The following CYP2R1 variants were observed in gnomAD, a reference collection of about 807,000 sequenced individuals.
CYP2R1 encodes vitamin D 25-hydroxylase.
CYP2R1 carries 40 observed loss-of-function variants against 45.7 expected under a neutral mutation model. The ratio of observed to expected loss-of-function variants is 0.87; its 90% confidence interval spans 0.68 to 1.14. The LOEUF (loss-of-function observed/expected upper bound fraction) is 1.14, where lower values mean the gene tolerates loss of function less well. Among genes scored for constraint, CYP2R1 ranks in the 50% most tolerant of loss-of-function variants. CYP2R1 has a pLI of 0.00. For synonymous variants in CYP2R1, 234 were observed against 219.3 expected, an observed-to-expected ratio of 1.07 and a Z score of -0.59; for missense variants, 605 against 602.6, an observed-to-expected ratio of 1.00 and a Z score of -0.04.
Position 14,892,188 on chromosome 11 carries a change from T to A in CYP2R1, c.18A>T (p.Arg6Ser). 1 of 1,610,198 alleles carries A rather than the reference T, an allele frequency of 6.2e-7. No individual in the cohort carries two copies. Among genetic ancestry groups the A allele is most frequent in the Non-Finnish European group, 8.5e-7 (1 of 1,179,734 alleles). ...CGAGCGCCGCCGCGCCCTCTTCAGC[T>A]CTCCAAAGCTTCCACATCGGCCCGA... is the stretch of plus-strand genomic sequence containing the variant. MWKLW[R>S]AEEGAAALGG... Residue 6 changes from arginine to serine, a missense_variant, in exon 1 of 5, where the codon AGA becomes AGT. Transcript: ENST00000334636.
In CYP2R1 at chr11:14,885,860, C is replaced by G; in HGVS notation, c.283G>C (p.Val95Leu). ...STVVLNGYDV[V>L]KECLVHQSEI... ...CTTTGATGAACAAGGCATTCCTTTACTACATCATAGCCATTTAGAACCACA... is the reference window on the plus strand; with the variant it reads ...CTTTGATGAACAAGGCATTCCTTTAGTACATCATAGCCATTTAGAACCACA... The change falls in exon 2 of 5, where the codon GTA becomes CTA. Residue 95 changes from valine (V) to leucine (L), a missense_variant. Coordinates refer to ENST00000334636, the MANE Select transcript of CYP2R1 (RefSeq NM_024514.5). 6.2e-7 allele frequency: 1 copy of G among 1,613,434 alleles called. No homozygotes were observed. The highest frequency in any genetic ancestry group is 8.5e-7 in the Non-Finnish European group (1 of 1,179,578).
intron 2 of CYP2R1, among the ~76,000 whole-genome samples, chr11:14,884,379 T>C (rs1848522111): frequency 6.6e-6 from 1 of 151,684 alleles, no homozygotes; most frequent in Non-Finnish European, 1.5e-5. Flanking sequence ...ATGTCCTTTG[T>C]TAGGGACATG....
intron 1 of CYP2R1, chr11:14,887,856 A>G (rs1275705084): frequency 6.5e-6 from 1 of 153,214 alleles, no homozygotes; most frequent in Admixed American, 6.5e-5. Flanking sequence ...GAATCAGACA[A>G]TTTATTATAA....
In CYP2R1 at chr11:14,892,093, C is replaced by T; in HGVS notation, c.113G>A (p.Gly38Asp). ...CAGCCCCGGCGGCCCCGGGGGGAAG[C>T]CCATCGGCCGCCTCTGCTTCAGCAG... is the stretch of plus-strand genomic sequence containing the variant. The part of the protein sequence containing the change: ...RQLLKQRRPM[G>D]FPPGPPGLPF... Residue 38 changes from glycine (G) to aspartate (D), a missense_variant, in exon 1 of 5, where the codon GGC becomes GAC. Coordinates refer to ENST00000334636, the MANE Select transcript of CYP2R1 (RefSeq NM_024514.5). 1 of 1,611,720 alleles carries T rather than the reference C, an allele frequency of 6.2e-7. No homozygotes were observed.
At position 14,879,348 on chromosome 11, in the gene CYP2R1, G is replaced by A; in HGVS notation, c.1096C>T (p.His366Tyr). Residue 366 changes from histidine (H) to tyrosine (Y), a missense_variant, in exon 4 of 5, where the codon CAT becomes TAT. Physicochemically the swap from His to Tyr is moderately conservative, Grantham distance 83. Coordinates refer to ENST00000334636, the MANE Select transcript of CYP2R1 (RefSeq NM_024514.5). The part of the protein sequence containing the change: ...CKMPYTEAVL[H>Y]EVLRFCNIVP... ...ATATTACAGAATCTTAAAACTTCAT[G>A]CAAAACTGCCTCAGTATAAGGCATT... 1.2e-6 allele frequency: 2 copies of A among 1,612,338 alleles called. No homozygotes were observed. The highest frequency in any genetic ancestry group is 1.7e-6 in the Non-Finnish European group (2 of 1,179,446).
At chr11:14,878,491 T>A (rs1478212466) in intron 4 of CYP2R1, among the ~76,000 whole-genome samples, 194 bp from the exon 5 acceptor site, 13 of 152,096 alleles carry the variant, frequency 8.5e-5, no homozygotes, top group African/African-American at 3.1e-4. Context: ...TTCATTTACC[T>A]CCTTTTGTTA....
chr11:14,886,478 T>C, intron 1 of CYP2R1: 1 of 154,922 alleles, frequency 6.5e-6, no homozygotes, highest in Non-Finnish European at 1.4e-5. Flanking sequence ...TGAAGAGGGC[T>C]CTAAGGGAAC....
intron 2 of CYP2R1, among the ~76,000 whole-genome samples, chr11:14,883,263 A>C (rs1434429690): frequency 6.6e-6 from 1 of 151,784 alleles, no homozygotes; most frequent in Non-Finnish European, 1.5e-5. Flanking sequence ...TGGAGGCATC[A>C]CGCTACCTGA....
In CYP2R1 at chr11:14,879,303, G is replaced by A; in HGVS notation, c.1141C>T (p.His381Tyr). The change falls in exon 4 of 5, where the codon CAT (histidine) becomes TAT (tyrosine). Residue 381 changes from histidine (H) to tyrosine (Y), a missense_variant. By Grantham distance (83) the His-to-Tyr change is moderately conservative. Coordinates refer to ENST00000334636, the MANE Select transcript of CYP2R1 (RefSeq NM_024514.5). ...FCNIVPLGIF[H>Y]ATSEDAVVRG... is the part of the protein sequence containing the mutation. ...ACAACTGCATCTTCAGAGGTTGCAT[G>A]GAAAATCCCTAATGGAACTATATTA... The A allele has an allele frequency of 6.2e-7, 1 of 1,613,200 alleles. No individual in the cohort carries two copies. The highest frequency in any genetic ancestry group is 1.1e-5 in the South Asian group (1 of 91,056).
chr11:14,879,519 A>G, intron 3 of CYP2R1, 76 bp from the exon 4 acceptor site: 4 of 1,232,240 alleles, frequency 3.2e-6, no homozygotes, highest in East Asian at 2.5e-5. Context: ...CTGGAATAAA[A>G]TAAAGGATAA....
intron 2 of CYP2R1, among the ~76,000 whole-genome samples, chr11:14,883,221 G>T (rs1217594749): frequency 1.3e-5 from 2 of 151,256 alleles, no homozygotes; most frequent in Non-Finnish European, 3.0e-5. Flanking sequence ...AGCCTGCATC[G>T]CCAAGTCAAT....
rs547749304 is a variant in CYP2R1 at position 14,881,137 on chromosome 11, C to A, written c.368-369G>T. Among the ~76,000 whole-genome samples the A allele has an allele frequency of 2.6e-5, 4 of 152,102 alleles. No homozygotes were observed. The East Asian group carries it at 5.8e-4, about 22-fold the overall frequency. On this transcript the variant is annotated intron_variant, in intron 2 of 4. Transcript: ENST00000334636. ...TCAATGGACAAAGTTTTATCTTAGA[C>A]TAAACAAACACCTAAAAAATCATCC...
chr11:14,891,184 G>A, intron 1 of CYP2R1: 1 of 985,308 alleles, frequency 1.0e-6, no homozygotes, highest in Non-Finnish European at 1.2e-6. Context: ...TCCGCTGCCA[G>A]TCACAGGGCA....
At chr11:14,885,952 C>A in intron 1 of CYP2R1, 35 bp from the exon 2 acceptor site, 1 of 1,601,830 alleles carries the variant, frequency 6.2e-7, no homozygotes. Context: ...ATTTAAATGA[C>A]AGCATGTATG....
At chr11:14,882,509 A>C (rs972691112) in intron 2 of CYP2R1, among the ~76,000 whole-genome samples, 1 of 152,124 alleles carries the variant, frequency 6.6e-6, no homozygotes, top group Middle Eastern at 3.2e-3. Context: ...ACTGTTTATA[A>C]AAACCCTACA....
chr11:14,884,249 C>T (rs1262852808), intron 2 of CYP2R1, among the ~76,000 whole-genome samples: 1 of 151,838 alleles, frequency 6.6e-6, no homozygotes, highest in African/African-American at 2.4e-5. Flanking sequence ...TATTGCGGCA[C>T]TATTCACAAT....
rs1848334518 is a variant in CYP2R1, at chr11:14,880,461, T to A, written c.675A>T (p.Ser225=). Residue 225 remains serine, a synonymous_variant, in exon 3 of 5, where the codon TCA becomes TCT. Coordinates refer to ENST00000334636, the MANE Select transcript of CYP2R1 (RefSeq NM_024514.5). ...SENVELAASA[S]VFLYNAFPWI... ...ATGGAAAGGCATTATACAAGAAGACTGAGGCACTGGCAGCTAGTTCCACAT... is the reference window on the plus strand; with the variant it reads ...ATGGAAAGGCATTATACAAGAAGACAGAGGCACTGGCAGCTAGTTCCACAT... 1 of 1,613,352 alleles carries A rather than the reference T, an allele frequency of 6.2e-7. No homozygotes were observed. Among genetic ancestry groups the A allele is most frequent in the Non-Finnish European group, 8.5e-7 (1 of 1,179,712 alleles).
At chr11:14,891,723 A>C in intron 1 of CYP2R1, 8 of 1,260,244 alleles carry the variant, frequency 6.3e-6, no homozygotes, top group East Asian at 3.8e-5. Flanking sequence ...GGTAGCGGGA[A>C]AATCAGGACT....
At chr11:14,892,415 G>A (rs1438302522), upstream of CYP2R1, among the ~76,000 whole-genome samples, 3 of 152,212 alleles carry the variant, frequency 2.0e-5, no homozygotes, top group Non-Finnish European at 2.9e-5. Flanking sequence ...GGTGGCCGGT[G>A]CTACCCTTTG....
Sources: allele counts gnomAD v4.1 joint callset (sites outside exome capture counted in the v4.1 genomes callset), GRCh38; gene constraint gnomAD v4.1.1; transcripts MANE v1.5; gene names NCBI Gene and HGNC (gene_info 2026-07-23, HGNC 2026-07-21).